Variants in PTPRD observed in about 807,000 individuals in gnomAD.
The protein encoded by PTPRD is protein tyrosine phosphatase receptor type D, also known as receptor-type tyrosine-protein phosphatase delta.
Under a neutral mutation model 214.5 loss-of-function variants are expected in PTPRD, and 34 were observed. The ratio of observed to expected loss-of-function variants is 0.16; its 90% confidence interval spans 0.12 to 0.21. PTPRD has a LOEUF of 0.21. Among genes scored for constraint, PTPRD ranks in the 10% least tolerant of loss-of-function variants. PTPRD has a pLI of 1.00. For missense variants in PTPRD, 2,545 were observed against 2,398.7 expected, an observed-to-expected ratio of 1.06 and a Z score of -1.27; for synonymous variants, 1,128 against 845.7, an observed-to-expected ratio of 1.33 and a Z score of -5.79.
chr9:8,705,212 TTTG>T (rs1260600541), intron 12 of PTPRD, among the ~76,000 whole-genome samples: 1 of 152,082 alleles, frequency 6.6e-6, no homozygotes, highest in East Asian at 1.9e-4. Context: ...TTCCTAAATT[TTTG>T]TTGTTGTTAC....
chr9:10,296,401 C>T (rs2095674791), intron 3 of PTPRD, among the ~76,000 whole-genome samples: 2 of 152,042 alleles, frequency 1.3e-5, no homozygotes, highest in Non-Finnish European at 2.9e-5. Context: ...CATCCAAGAA[C>T]TGAGACTCAC....
chr9:9,726,470 C>T (rs1041256982), intron 7 of PTPRD, among the ~76,000 whole-genome samples: 2 of 152,072 alleles, frequency 1.3e-5, no homozygotes, highest in African/African-American at 4.8e-5. Context: ...GCCTAACAGC[C>T]CTACCACTTA....
rs1405584563 is a variant in PTPRD at position 10,340,989 on chromosome 9, T to C, written c.-571A>G. On this transcript the variant is annotated 5_prime_UTR_variant, in exon 3 of 46. Coordinates refer to ENST00000381196, the MANE Select transcript of PTPRD (RefSeq NM_002839.4). ...AGTTGTGTGACTTTGAGACAGGTCC[T>C]TTACTTCCTTGATTCTTCACTTCTT... The C allele has an allele frequency of 6.6e-6, 1 of 151,998 alleles. No individual in the cohort carries two copies. Among genetic ancestry groups the C allele is most frequent in the African/African-American group, 2.4e-5 (1 of 41,434 alleles). The allele number at this position is 151,998 out of a possible 1,614,324, so 9.4% of individuals were successfully genotyped here.
In PTPRD at chr9:8,532,293, T is replaced by G. The variant is rs145879215; in HGVS notation, c.353-3514A>C. ...AAAACAAACTGTAGAAATAATGAAA[T>G]TTCTAATTGGAATGCTTATCTCCGT... On this transcript the variant is annotated intron_variant, in intron 14 of 45. Transcript: ENST00000381196. Among the ~76,000 whole-genome samples, 72 of 152,136 alleles carry G rather than the reference T, an allele frequency of 4.7e-4. No individual in the cohort carries two copies. The East Asian group carries it at 0.012, about 26-fold the overall frequency.
chr9:8,455,317 G>A (rs866401912), intron 33 of PTPRD, among the ~76,000 whole-genome samples: 4 of 152,270 alleles, frequency 2.6e-5, no homozygotes, highest in Middle Eastern at 3.4e-3. Flanking sequence ...GACAGAACAT[G>A]TATTTTCCTA....
chr9:9,502,127 A>G (rs1024568455), intron 8 of PTPRD, among the ~76,000 whole-genome samples: 4 of 151,898 alleles, frequency 2.6e-5, no homozygotes, highest in African/African-American at 9.7e-5. Flanking sequence ...TTTTTGTTAT[A>G]TGAACACTTA....
chr9:8,358,628 C>G (rs902827586), intron 39 of PTPRD, among the ~76,000 whole-genome samples: 1 of 152,070 alleles, frequency 6.6e-6, no homozygotes, highest in African/African-American at 2.4e-5. Context: ...GCTTCTTGAT[C>G]AATGTTAATT....
intron 11 of PTPRD, among the ~76,000 whole-genome samples, chr9:8,923,993 C>A (rs1412915665): frequency 6.6e-6 from 1 of 152,170 alleles, no homozygotes; most frequent in African/African-American, 2.4e-5. Flanking sequence ...AAAGATTGAA[C>A]TGCTTTGCAA....
chr9:10,362,829 G>C (rs546515868), intron 2 of PTPRD, among the ~76,000 whole-genome samples: 1 of 152,100 alleles, frequency 6.6e-6, no homozygotes, highest in Admixed American at 6.5e-5. Flanking sequence ...GCAGTGAGCC[G>C]ACATCGTGCC....
chr9:9,450,390 A>G (rs1297242836), intron 8 of PTPRD, among the ~76,000 whole-genome samples: 1 of 151,940 alleles, frequency 6.6e-6, no homozygotes, highest in African/African-American at 2.4e-5. Context: ...CCAGCAGTAT[A>G]AAAGTGTTCC....
At chr9:10,014,680 G>T (rs1040828911) in intron 4 of PTPRD, among the ~76,000 whole-genome samples, 1 of 151,940 alleles carries the variant, frequency 6.6e-6, no homozygotes, top group Admixed American at 6.6e-5. Context: ...CGTGAAATAA[G>T]AATAGAACAA....
chr9:9,206,835 A>G (rs2099945159), intron 9 of PTPRD, among the ~76,000 whole-genome samples: 1 of 152,130 alleles, frequency 6.6e-6, no homozygotes, highest in Admixed American at 6.5e-5. Context: ...TCAGACTGGC[A>G]TCCTTTCTCT....
At chr9:9,256,982 C>G (rs989735037) in intron 9 of PTPRD, among the ~76,000 whole-genome samples, 3 of 152,048 alleles carry the variant, frequency 2.0e-5, no homozygotes, top group Admixed American at 1.3e-4. Flanking sequence ...CCCCACTTCT[C>G]TAAGACAGCT....
intron 5 of PTPRD, among the ~76,000 whole-genome samples, chr9:9,838,579 G>A (rs1302245365): frequency 1.3e-5 from 2 of 152,152 alleles, no homozygotes; most frequent in South Asian, 2.1e-4. Context: ...TTTGAGAAGT[G>A]TCTGTTCATG....
intron 34 of PTPRD, among the ~76,000 whole-genome samples, chr9:8,440,626 T>C (rs2095516386): frequency 6.6e-6 from 1 of 152,348 alleles, no homozygotes; most frequent in African/African-American, 2.4e-5. Flanking sequence ...AAATGCATTT[T>C]AAAGGCACGC....
At position 9,493,027 on chromosome 9, in the gene PTPRD, C is replaced by G. The variant is rs752703667; in HGVS notation, c.-237+81705G>C. ...GCCATTCTCCCATCACTCTCCCTCTCCTCAGGCTTCCCTAGTCCCTGAAAT... is the reference window on the plus strand; with the variant it reads ...GCCATTCTCCCATCACTCTCCCTCTGCTCAGGCTTCCCTAGTCCCTGAAAT... On this transcript the variant is annotated intron_variant, in intron 8 of 45. Coordinates refer to ENST00000381196, the MANE Select transcript of PTPRD (RefSeq NM_002839.4). Among the ~76,000 whole-genome samples, 16 of 149,194 alleles carry G rather than the reference C, an allele frequency of 1.1e-4. No individual in the cohort carries two copies. In the East Asian group the frequency reaches 2.2e-3, roughly 20 times the overall value.
chr9:8,829,943 AT>A (rs1601193311), intron 11 of PTPRD, among the ~76,000 whole-genome samples: 1 of 152,172 alleles, frequency 6.6e-6, no homozygotes, highest in African/African-American at 2.4e-5. Flanking sequence ...TCTATAAAAC[AT>A]TATTATAATG....
At chr9:8,502,088 C>T (rs1159342552) in intron 23 of PTPRD, among the ~76,000 whole-genome samples, 1 of 152,114 alleles carries the variant, frequency 6.6e-6, no homozygotes, top group Non-Finnish European at 1.5e-5. Context: ...TACTTTCTTA[C>T]TGCCCATTCT....
At chr9:9,743,731 T>TATACAC (rs1554959142) in intron 6 of PTPRD, among the ~76,000 whole-genome samples, 1 of 80,430 alleles carries the variant, frequency 1.2e-5, no homozygotes, top group Non-Finnish European at 2.3e-5. Flanking sequence ...ACTCAGTCTA[T>TATACAC]ACACACACAC....
Sources: gnomAD v4.1 joint callset for allele counts (sites outside exome capture counted in the v4.1 genomes callset) on GRCh38, gnomAD v4.1.1 for gene constraint, MANE v1.5 for transcripts, NCBI Gene and HGNC (gene_info 2026-07-23, HGNC 2026-07-21) for gene names.